The following PC variants were observed in gnomAD, a reference collection of about 807,000 sequenced individuals.
PC encodes pyruvate carboxylase, mitochondrial.
A neutral mutation model predicts 107.8 loss-of-function variants in PC; 46 were observed. That is an observed-to-expected ratio of 0.43 (90% CI 0.34 to 0.55). PC has a LOEUF of 0.55. Among genes scored for constraint, PC ranks in the 20% least tolerant of loss-of-function variants. The pLI is 0.04. For synonymous variants in PC, 662 were observed against 684.7 expected (o/e 0.97, Z 0.52); for missense variants, 1,241 against 1,643.1 (o/e 0.76, Z 4.23).
intron 3 of PC, among the ~76,000 whole-genome samples, chr11:66,896,344 G>C (rs776256405): frequency 1.3e-5 from 2 of 152,188 alleles, no homozygotes; most frequent in African/African-American, 4.8e-5. Flanking sequence ...CTCCCAAAGT[G>C]CTGGGATTAC....
rs530971795 is a variant in PC at position 66,859,205 on chromosome 11, C to T, written c.1368+4569G>A. ...CTCTCTCTGGGGCTGACACCCCCTC[C>T]CCGACCATGGCTGCTGGACTCTTGG... On this transcript the variant is annotated intron_variant, in intron 12 of 22. Coordinates refer to ENST00000393960, the MANE Select transcript of PC (RefSeq NM_001040716.2). The T allele has an allele frequency of 5.9e-5, 78 of 1,312,476 alleles. 1 individual carries two copies. The East Asian group carries it at 1.9e-3, about 33-fold the overall frequency. The allele number at this position is 1,312,476 out of a possible 1,614,324, so 81.3% of individuals were successfully genotyped here. A position where few individuals can be genotyped will look rare whatever the true frequency, so the allele number is the denominator to read the frequency against.
At chr11:66,939,980 T>TTAG (rs1358142602) in intron 3 of PC, among the ~76,000 whole-genome samples, 1 of 151,970 alleles carries the variant, frequency 6.6e-6, no homozygotes. Context: ...AAGCTTTATA[T>TTAG]TAGATTTAAC....
intron 12 of PC, among the ~76,000 whole-genome samples, chr11:66,854,534 G>A (rs1945689978): frequency 6.6e-6 from 1 of 152,220 alleles, no homozygotes; most frequent in African/African-American, 2.4e-5. Context: ...GCTGGGCCAG[G>A]GTGAGTATGA....
chr11:66,849,878 G>A lies in PC; in HGVS notation c.2899-19C>T, dbSNP rs1945365128. The A allele has an allele frequency of 6.2e-7, 1 of 1,613,500 alleles. No individual in the cohort carries two copies. The highest frequency in any genetic ancestry group is 1.7e-5 in the Admixed American group (1 of 60,004). On this transcript the variant is annotated intron_variant, in intron 20 of 22. Coordinates refer to ENST00000393960, the MANE Select transcript of PC (RefSeq NM_001040716.2). ...TCAGTACCTGGGGAGCAAAGCAGAG[G>A]ATCAGTCCCAAGTCCTGCATCCAGC...
chr11:66,868,774 A>C (rs1946604194), intron 10 of PC, 72 bp downstream of exon 10: 2 of 1,196,650 alleles, frequency 1.7e-6, no homozygotes, highest in Non-Finnish European at 2.5e-6. Context: ...TGGCCCCAGG[A>C]GCCACTTCGC....
intron 3 of PC, among the ~76,000 whole-genome samples, chr11:66,900,852 G>A (rs72925042): frequency 0.012 from 1,870 of 152,076 alleles, 28 homozygotes; most frequent in Non-Finnish European, 0.019. Context: ...CTGCAACCTT[G>A]CTGAACTCAT....
intron 12 of PC, chr11:66,860,142 G>A (rs1468152687): frequency 1.3e-6 from 2 of 1,549,234 alleles, no homozygotes; most frequent in Non-Finnish European, 1.7e-6. Context: ...GCTCGGGGCA[G>A]GGTGCCGGGG....
chr11:66,891,056 T>G (rs980725465), intron 3 of PC, among the ~76,000 whole-genome samples: 9 of 152,074 alleles, frequency 5.9e-5, no homozygotes, highest in African/African-American at 9.7e-5. Flanking sequence ...CATGGGGTTT[T>G]TTTTTGTTTT....
At chr11:66,859,357 G>A (rs1366006150) in intron 12 of PC, among the ~76,000 whole-genome samples, 2 of 152,144 alleles carry the variant, frequency 1.3e-5, no homozygotes, top group East Asian at 1.9e-4. Context: ...AGCAGGTGGC[G>A]GTTGGGTCTG....
At position 66,850,352 on chromosome 11, in the gene PC, A is replaced by G. The variant is rs191620803; in HGVS notation, c.2586T>C (p.Tyr862=). Residue 862 remains tyrosine, a synonymous_variant, in exon 19 of 23, where the codon TAT becomes TAC. Transcript: ENST00000393960. ...ACTGGCCCCCTGGGATCTCATTTTC[A>G]TACACGTCCGAGTTGCCAGACTTCA... ...ATMKSGNSDV[Y]ENEIPGGQYT... is the part of the protein sequence containing the mutation. The G allele has an allele frequency of 1.3e-4, 211 of 1,613,930 alleles. No individual in the cohort carries two copies. The highest frequency in any genetic ancestry group is 4.4e-5 in the Non-Finnish European group (52 of 1,179,984).
intron 3 of PC, among the ~76,000 whole-genome samples, chr11:66,893,510 C>G (rs910257638): frequency 6.6e-6 from 1 of 152,172 alleles, no homozygotes; most frequent in African/African-American, 2.4e-5. Flanking sequence ...AGCAGACAGG[C>G]ACTCTATCAA....
At position 66,938,963 on chromosome 11, in the gene PC, G is replaced by A. The variant is rs150924419; in HGVS notation, c.-1+13467C>T. Reference sequence around the variant, plus strand: ...TAGAACTGGAATTGCTGTGTTAAATGACTTGACATTTTAGGTTTCATCTTC... The same window carrying A: ...TAGAACTGGAATTGCTGTGTTAAATAACTTGACATTTTAGGTTTCATCTTC... On this transcript the variant is annotated intron_variant, in intron 3 of 22. Coordinates refer to ENST00000393960, the MANE Select transcript of PC (RefSeq NM_001040716.2). Among the ~76,000 whole-genome samples the A allele has an allele frequency of 2.2e-3, 329 of 152,264 alleles. 2 individuals are homozygous for A. Among genetic ancestry groups the A allele is most frequent in the Admixed American group, 0.017 (265 of 15,268 alleles).
chr11:66,870,682 C>T lies in PC; in HGVS notation c.751+93G>A. On this transcript the variant is annotated intron_variant, in intron 8 of 22. Coordinates refer to ENST00000393960, the MANE Select transcript of PC (RefSeq NM_001040716.2). The surrounding 1 kb of genome is among the most constrained non-coding windows in gnomAD (Gnocchi z 6.1). Reference sequence around the variant, plus strand: ...GAAAAGCGCCCGACAGGCCCCAGGGCTGTCCCCAAGGCCAGCCACTGTGAC... The same window carrying T: ...GAAAAGCGCCCGACAGGCCCCAGGGTTGTCCCCAAGGCCAGCCACTGTGAC... The T allele has an allele frequency of 7.6e-7, 1 of 1,324,470 alleles. No homozygotes were observed. The allele number at this position is 1,324,470 out of a possible 1,614,324, so 82.0% of individuals were successfully genotyped here. A position where few individuals can be genotyped will look rare whatever the true frequency, so the allele number is the denominator to read the frequency against.
chr11:66,913,709 C>T (rs1353721838), intron 3 of PC, among the ~76,000 whole-genome samples: 1 of 151,864 alleles, frequency 6.6e-6, no homozygotes. Flanking sequence ...GCAGCCATCT[C>T]CCGGAACTGG....
At chr11:66,920,424 C>T (rs1350391014) in intron 3 of PC, among the ~76,000 whole-genome samples, 4 of 152,042 alleles carry the variant, frequency 2.6e-5, no homozygotes, top group African/African-American at 9.7e-5. Context: ...TGGAAAGAAG[C>T]CCCATATCTC....
rs1555049841 is a variant in PC, at chr11:66,945,418, T to TC, written c.-1+7011_-1+7012insG. ...ATAGATTAACTGAATTCAAATGGTT[T>TC]GGGGGGGCGGGTCGGAACTGCAGAG... On this transcript the variant is annotated intron_variant, in intron 3 of 22. Transcript: ENST00000393960. 4.3e-5 allele frequency among the ~76,000 whole-genome samples: 3 copies of TC among 69,528 alleles called. 1 individual carries two copies. The highest frequency in any genetic ancestry group is 5.7e-5 in the Non-Finnish European group (2 of 34,784). The allele number at this position is 69,528 out of a possible 152,430, so 45.6% of individuals were successfully genotyped here. A position where few individuals can be genotyped will look rare whatever the true frequency, so the allele number is the denominator to read the frequency against.
intron 12 of PC, chr11:66,860,363 C>T (rs1328905232): frequency 9.7e-7 from 1 of 1,030,538 alleles, no homozygotes; most frequent in Non-Finnish European, 1.5e-6. Context: ...GGCCTCCAGA[C>T]CAGGGTAAGG....
chr11:66,884,675 C>T (rs1488585441), intron 3 of PC, among the ~76,000 whole-genome samples: 1 of 152,186 alleles, frequency 6.6e-6, no homozygotes, highest in Non-Finnish European at 1.5e-5. Flanking sequence ...ATGTTGAAAC[C>T]TTGATCTTGG....
chr11:66,850,350 T>C lies in PC; in HGVS notation c.2588A>G (p.Glu863Gly). ...TMKSGNSDVY[E>G]NEIPGGQYTN... ...GTACTGGCCCCCTGGGATCTCATTT[T>C]CATACACGTCCGAGTTGCCAGACTT... Residue 863 changes from glutamate (E) to glycine (G), a missense_variant, in exon 19 of 23, where the codon GAA becomes GGA. Glu to Gly is a moderately conservative substitution (Grantham distance 98, BLOSUM62 -2). Coordinates refer to ENST00000393960, the MANE Select transcript of PC (RefSeq NM_001040716.2). 1 of 1,614,126 alleles carries C rather than the reference T, an allele frequency of 6.2e-7. No individual in the cohort carries two copies. The highest frequency in any genetic ancestry group is 2.2e-5 in the East Asian group (1 of 44,876).
Sources: allele counts gnomAD v4.1 joint callset (sites outside exome capture counted in the v4.1 genomes callset), GRCh38; gene constraint gnomAD v4.1.1; non-coding constraint Gnocchi (gnomAD v3.1); transcripts MANE v1.5; gene names NCBI Gene and HGNC (gene_info 2026-07-23, HGNC 2026-07-21).